HSF1: variants seen among roughly 807,000 people sequenced by gnomAD.
HSF1 encodes the protein heat shock factor protein 1.
In HSF1, 32 loss-of-function variants were observed where a neutral mutation model predicts 51.7. The ratio of observed to expected loss-of-function variants is 0.62; its 90% CI spans 0.47 to 0.83. The LOEUF (loss-of-function observed/expected upper bound fraction) is 0.83, where lower values mean the gene tolerates loss of function less well. Among genes scored for constraint, HSF1 ranks in the 40% least tolerant of loss-of-function variants. HSF1 has a pLI of 0.00. For missense variants in HSF1, 727 were observed against 717.0 expected (o/e 1.01, Z -0.16); for synonymous variants, 396 against 309.7 (o/e 1.28, Z -2.92).
chr8:144,308,120 G>A (rs1299325019), intron 1 of HSF1, among the ~76,000 whole-genome samples: 1 of 152,196 alleles, frequency 6.6e-6, no homozygotes, highest in Non-Finnish European at 1.5e-5. Flanking sequence ...CTGCCCCACT[G>A]CCCTTCACCA....
At chr8:144,310,948 C>T in intron 4 of HSF1, 1 of 585,006 alleles carries the variant, frequency 1.7e-6, no homozygotes, top group Non-Finnish European at 3.1e-6. Context: ...CCCCAACACC[C>T]TACGTGACAC....
intron 9 of HSF1, chr8:144,313,271 A>G: frequency 1.9e-6 from 1 of 522,596 alleles, no homozygotes; most frequent in Non-Finnish European, 3.4e-6. Context: ...ACTGCCACCA[A>G]GGCCCCCAGG....
intron 1 of HSF1, 130 bp downstream of exon 1, chr8:144,292,004 C>T (rs1409912052): frequency 2.8e-5 from 13 of 470,434 alleles, no homozygotes; most frequent in African/African-American, 2.3e-4. Flanking sequence ...CTGCCCTGCC[C>T]CCGCCAGAGA....
At chr8:144,309,324 TG>T in intron 2 of HSF1, 130 bp from the exon 3 acceptor site, 1 of 1,315,610 alleles carries the variant, frequency 7.6e-7, no homozygotes, top group Non-Finnish European at 1.1e-6. Context: ...CACCCAGGCA[TG>T]GGCTCTGAGG....
At position 144,297,828 on chromosome 8, in the gene HSF1, A is replaced by G. The variant is rs1451956133; in HGVS notation, c.117+5954A>G. On this transcript the variant is annotated intron_variant, in intron 1 of 12. Coordinates refer to ENST00000528838, the MANE Select transcript of HSF1 (RefSeq NM_005526.4). The surrounding 1 kb of genome is among the most constrained non-coding windows in gnomAD (Gnocchi z 4.6). Reference sequence around the variant, plus strand: ...CTGGGCTGTGGGGCCACCTTGTAGAATACGGCACTGTTCACGTTTTGGGCC... The same window carrying G: ...CTGGGCTGTGGGGCCACCTTGTAGAGTACGGCACTGTTCACGTTTTGGGCC... Among the ~76,000 whole-genome samples, 2 of 152,208 alleles carry G rather than the reference A, an allele frequency of 1.3e-5. No individual in the cohort carries two copies. The highest frequency in any genetic ancestry group is 4.8e-5 in the African/African-American group (2 of 41,456).
At chr8:144,312,636 G>A (rs868914001) in intron 9 of HSF1, 39 of 1,535,098 alleles carry the variant, frequency 2.5e-5, no homozygotes, top group Admixed American at 5.9e-5. Context: ...AGTTTGGCTC[G>A]CACTCCACAG....
intron 4 of HSF1, 79 bp downstream of exon 4, chr8:144,309,975 C>A: frequency 1.3e-6 from 2 of 1,527,066 alleles, no homozygotes; most frequent in South Asian, 2.4e-5. Flanking sequence ...GGGGGCAGGG[C>A]CCTGACCGGG....
At position 144,309,789 on chromosome 8, in the gene HSF1, T is replaced by C; in HGVS notation, c.381T>C (p.Ser127=). 1.2e-6 allele frequency: 2 copies of C among 1,612,956 alleles called. No individual in the cohort carries two copies. The highest frequency in any genetic ancestry group is 1.7e-6 in the Non-Finnish European group (2 of 1,179,800). ...RKVTSVSTLK[S]EDIKIRQDSV... is the part of the protein sequence containing the mutation. ...GAATCCAGGTGTCCACCCTGAAGAG[T>C]GAAGACATAAAGATCCGCCAGGACA... The change falls in exon 4 of 13, where the codon AGT becomes AGC. Residue 127 remains serine, a synonymous_variant. Coordinates refer to ENST00000528838, the MANE Select transcript of HSF1 (RefSeq NM_005526.4).
At chr8:144,300,281 A>G (rs573532465) in intron 1 of HSF1, among the ~76,000 whole-genome samples, 10 of 147,220 alleles carry the variant, frequency 6.8e-5, no homozygotes, top group African/African-American at 2.3e-4. Flanking sequence ...CAGTGGCACA[A>G]TCTCGGCTCA....
chr8:144,308,722 G>A (rs565090684), intron 1 of HSF1, among the ~76,000 whole-genome samples, 184 bp from the exon 2 acceptor site: 39 of 152,296 alleles, frequency 2.6e-4, no homozygotes, highest in African/African-American at 8.4e-4. Flanking sequence ...GATGAGGCCC[G>A]TGTGGCAGGT....
At chr8:144,311,039 TC>T in intron 4 of HSF1, 134 bp from the exon 5 acceptor site, 1 of 787,018 alleles carries the variant, frequency 1.3e-6, no homozygotes, top group East Asian at 2.7e-5. Flanking sequence ...CAAGTTCTCA[TC>T]CTGGGGTGGG....
At chr8:144,301,942 G>A (rs1554842424) in intron 1 of HSF1, among the ~76,000 whole-genome samples, 4 of 151,520 alleles carry the variant, frequency 2.6e-5, no homozygotes, top group Admixed American at 2.6e-4. Flanking sequence ...GGCTCGGGTG[G>A]AAGGATTGCT....
intron 1 of HSF1, chr8:144,292,387 C>T (rs928384073): frequency 6.6e-6 from 1 of 152,412 alleles, no homozygotes; most frequent in Non-Finnish European, 1.5e-5. Flanking sequence ...TCAGGTTGAT[C>T]TCAAGCCCGT....
At chr8:144,303,306 G>A (rs1185685604) in intron 1 of HSF1, among the ~76,000 whole-genome samples, 4 of 152,042 alleles carry the variant, frequency 2.6e-5, no homozygotes, top group African/African-American at 9.7e-5. Context: ...TTCCTGTGCA[G>A]GTGAACAAGC....
chr8:144,303,650 G>T (rs1554842768), intron 1 of HSF1, among the ~76,000 whole-genome samples: 1 of 152,076 alleles, frequency 6.6e-6, no homozygotes, highest in East Asian at 1.9e-4. Context: ...AGCCAAGGTG[G>T]GTGGATCACT....
chr8:144,300,276 GC>G (rs1815771483), intron 1 of HSF1, among the ~76,000 whole-genome samples: 1 of 147,320 alleles, frequency 6.8e-6, no homozygotes, highest in African/African-American at 2.5e-5. Flanking sequence ...GAGTGCAGTG[GC>G]ACAATCTCGG....
chr8:144,298,610 A>T (rs1815645513), intron 1 of HSF1, among the ~76,000 whole-genome samples: 1 of 146,176 alleles, frequency 6.8e-6, no homozygotes, highest in Non-Finnish European at 1.5e-5. Context: ...AAAAAAAAAA[A>T]AGAAAGAAAA....
At position 144,312,197 on chromosome 8, in the gene HSF1, G is replaced by T; in HGVS notation, c.1095G>T (p.Pro365=). 1.9e-6 allele frequency: 1 copy of T among 534,710 alleles called. No homozygotes were observed. Among genetic ancestry groups the T allele is most frequent in the South Asian group, 2.0e-5 (1 of 50,906 alleles). The allele number at this position is 534,710 out of a possible 1,614,324, so 33.1% of individuals were successfully genotyped here. Residue 365 remains proline, a synonymous_variant, in exon 9 of 13, where the codon CCG becomes CCT. Transcript: ENST00000528838. ...CCGAGGGCCGGCCTCCCTCCCCCCC[G>T]CCCACCTCCACCCCTGAAAAGTGCC... ...TDTEGRPPSP[P]PTSTPEKCLS... is the part of the protein sequence containing the mutation.
rs570638326 is a variant in HSF1 at position 144,313,918 on chromosome 8, A to G, written c.1314+7A>G. 6.8e-6 allele frequency: 11 copies of G among 1,608,940 alleles called. No homozygotes were observed. The South Asian group carries it at 1.2e-4, about 18-fold the overall frequency. On this transcript the variant is annotated splice_region_variant and intron_variant, in intron 11 of 12. Coordinates refer to ENST00000528838, the MANE Select transcript of HSF1 (RefSeq NM_005526.4). ...TGACAGCAGCCTGGCCAGTGTGCGT[A>G]GGCGGGCGGGGGGTGAGGGGGAACG... is the stretch of plus-strand genomic sequence containing the variant.
Sources: gnomAD v4.1 joint callset for allele counts (sites outside exome capture counted in the v4.1 genomes callset) on GRCh38, gnomAD v4.1.1 for gene constraint, Gnocchi (gnomAD v3.1) non-coding constraint, MANE v1.5 for transcripts, NCBI Gene and HGNC (gene_info 2026-07-23, HGNC 2026-07-21) for gene names.